Variants in PRH1 observed in about 807,000 individuals in gnomAD.
PRH1 encodes salivary acidic proline-rich phosphoprotein 1/2.
Under a neutral mutation model 7.9 loss-of-function variants are expected in PRH1, and 7 were observed. The observed-to-expected ratio is 0.89, with a 90% CI of 0.50 to 1.67. The LOEUF (loss-of-function observed/expected upper bound fraction) is 1.67, where lower values mean the gene tolerates loss of function less well. Ranked by LOEUF, PRH1 falls within the 40% of genes most tolerant of loss-of-function variation. PRH1 has a pLI of 0.00. For synonymous variants in PRH1, 45 were observed against 80.8 expected, an observed-to-expected ratio of 0.56 and a Z score of 2.38; for missense variants, 109 against 223.6, an observed-to-expected ratio of 0.49 and a Z score of 3.27.
downstream of PRH1, among the ~76,000 whole-genome samples, chr12:11,116,806 G>A (rs1945744535): frequency 6.6e-6 from 1 of 152,048 alleles, no homozygotes; most frequent in Non-Finnish European, 1.5e-5. Context: ...CATATATACA[G>A]AATGAAGGTC....
intron 1 of PRH1, among the ~76,000 whole-genome samples, chr12:11,044,921 G>A (rs894013854): frequency 6.6e-6 from 1 of 152,042 alleles, no homozygotes; most frequent in African/African-American, 2.4e-5. Context: ...ACAAAAATTA[G>A]AGCTACCATA....
intron 1 of PRH1, chr12:11,171,405 C>G (rs1438686730): frequency 3.2e-5 from 39 of 1,231,950 alleles, no homozygotes; most frequent in East Asian, 3.2e-5. Flanking sequence ...GGCCTCAAGC[C>G]CCGCCGCGAC....
intron 2 of PRH1, chr12:10,895,155 C>T (rs1305100314): frequency 6.6e-6 from 1 of 152,108 alleles, no homozygotes; most frequent in Non-Finnish European, 1.5e-5. Context: ...AAATAATGCA[C>T]AATAAAGAGG....
intron 2 of PRH1, among the ~76,000 whole-genome samples, chr12:10,916,288 A>T (rs561441508): frequency 6.6e-6 from 1 of 152,050 alleles, no homozygotes; most frequent in Admixed American, 6.5e-5. Context: ...ATTACTCGGG[A>T]GCCACAATTC....
At chr12:11,040,569 G>A (rs1942667509) in intron 1 of PRH1, among the ~76,000 whole-genome samples, 1 of 152,194 alleles carries the variant, frequency 6.6e-6, no homozygotes, top group South Asian at 2.1e-4. Flanking sequence ...CTTTTGGAGG[G>A]TGGGGAGCTA....
chr12:10,927,677 C>T (rs1477346357), intron 2 of PRH1, among the ~76,000 whole-genome samples: 1 of 152,214 alleles, frequency 6.6e-6, no homozygotes, highest in East Asian at 1.9e-4. Context: ...CTCGTATGCA[C>T]AGTACAGGAT....
intron 2 of PRH1, among the ~76,000 whole-genome samples, chr12:10,904,876 G>C (rs1591663559): frequency 6.6e-6 from 1 of 151,886 alleles, no homozygotes; most frequent in East Asian, 1.9e-4. Flanking sequence ...ACATGAACAG[G>C]CACTTTTCAA....
intron 2 of PRH1, among the ~76,000 whole-genome samples, chr12:10,912,768 G>A (rs7956586): frequency 0.5 from 75,385 of 151,622 alleles, 20,944 homozygotes; most frequent in East Asian, 0.72. Flanking sequence ...ATATATGTTC[G>A]AGTTTCCATT....
At chr12:11,150,669 G>T (rs1415101745) in intron 1 of PRH1, among the ~76,000 whole-genome samples, 1 of 152,076 alleles carries the variant, frequency 6.6e-6, no homozygotes, top group East Asian at 1.9e-4. Context: ...GGGGACAGTT[G>T]TGGGGTTGGG....
chr12:11,004,643 T>C (rs1940746287), intron 1 of PRH1, among the ~76,000 whole-genome samples: 1 of 152,168 alleles, frequency 6.6e-6, no homozygotes, highest in Non-Finnish European at 1.5e-5. Context: ...GGATTAATTA[T>C]ATATTTCATA....
At chr12:10,897,072 T>C (rs1949657765) in intron 2 of PRH1, 2 of 152,168 alleles carry the variant, frequency 1.3e-5, no homozygotes, top group Non-Finnish European at 2.9e-5. Flanking sequence ...TCTGGCTCAT[T>C]ATCCCACGTG....
At chr12:11,108,304 G>A (rs370827631) in intron 1 of PRH1, among the ~76,000 whole-genome samples, 4 of 152,160 alleles carry the variant, frequency 2.6e-5, no homozygotes, top group African/African-American at 9.7e-5. Context: ...TGTAAATGTG[G>A]TGCATAAACA....
rs1354343875 is a variant in PRH1, at chr12:10,882,321, G to C, written c.478C>G (p.Pro160Ala). The change falls in exon 3 of 4, where the codon CCC becomes GCC. Residue 160 changes from proline (P) to alanine (A), a missense_variant. By Grantham distance (27) the Pro-to-Ala change is conservative (BLOSUM62 -1). Coordinates refer to ENST00000543626, the MANE Select transcript of PRH1 (RefSeq NM_001393989.1). ...TGGGGCTTTCCAGGAGGAGGTGGGG[G>C]AGGACCTTGCTGATGGCCTCCCTGT... ...PQQGGHQQGP[P>A]PPPPGKPQGP... 1 of 1,609,144 alleles carries C rather than the reference G, an allele frequency of 6.2e-7. No homozygotes were observed. Among genetic ancestry groups the C allele is most frequent in the Non-Finnish European group, 8.5e-7 (1 of 1,177,970 alleles).
downstream of PRH1, among the ~76,000 whole-genome samples, chr12:11,119,424 A>G (rs181651317): frequency 6.6e-6 from 1 of 152,320 alleles, no homozygotes; most frequent in East Asian, 1.9e-4. Flanking sequence ...CTAAAAGAGT[A>G]TAACTGGATT....
intron 1 of PRH1, among the ~76,000 whole-genome samples, chr12:11,152,309 T>C (rs1326141930): frequency 7.9e-6 from 1 of 125,924 alleles, no homozygotes; most frequent in Non-Finnish European, 1.8e-5. Flanking sequence ...ACAACTCTTT[T>C]GGAAAAGATA....
At chr12:10,965,802 C>T (rs574895025) in intron 2 of PRH1, among the ~76,000 whole-genome samples, 1 of 152,338 alleles carries the variant, frequency 6.6e-6, no homozygotes, top group South Asian at 2.1e-4. Context: ...ATGCCTAAAT[C>T]TTAAAGGGAG....
intron 1 of PRH1, among the ~76,000 whole-genome samples, chr12:11,105,400 T>C (rs1945380725): frequency 6.6e-6 from 1 of 152,140 alleles, no homozygotes; most frequent in Admixed American, 6.5e-5. Context: ...ATTCCTGAAT[T>C]TGCAGGAATG....
At chr12:11,135,686 T>C (rs1356231589) in intron 1 of PRH1, among the ~76,000 whole-genome samples, 1 of 152,040 alleles carries the variant, frequency 6.6e-6, no homozygotes, top group Non-Finnish European at 1.5e-5. Context: ...AAAAAATAGA[T>C]GGGGAACGGC....
intron 2 of PRH1, among the ~76,000 whole-genome samples, chr12:10,950,989 G>T (rs2418224): frequency 0.24 from 35,799 of 151,984 alleles, 4,274 homozygotes; most frequent in Non-Finnish European, 0.25. Flanking sequence ...TTCTGAATGT[G>T]CAGTAAAATT....
Sources: allele counts gnomAD v4.1 joint callset (sites outside exome capture counted in the v4.1 genomes callset), GRCh38; gene constraint gnomAD v4.1.1; transcripts MANE v1.5; gene names NCBI Gene and HGNC (gene_info 2026-07-23, HGNC 2026-07-21).